Variants in CHD7 observed in about 807,000 individuals in gnomAD.
CHD7 encodes chromodomain helicase DNA binding protein 7.
A neutral mutation model predicts 307.3 loss-of-function variants in CHD7; 24 were observed. The ratio of observed to expected loss-of-function variants is 0.08; its 90% CI spans 0.06 to 0.11. The LOEUF (loss-of-function observed/expected upper bound fraction) is 0.11, where lower values mean the gene tolerates loss of function less well. CHD7 is among the 10% of genes least tolerant of loss of function. CHD7 has a pLI of 1.00. For missense variants in CHD7, 3,106 were observed against 3,727.1 expected, an observed-to-expected ratio of 0.83 and a Z score of 4.34; for synonymous variants, 1,363 against 1,349.9, an observed-to-expected ratio of 1.01 and a Z score of -0.21.
chr8:60,828,719 C>T lies in CHD7; in HGVS notation c.3435C>T (p.Phe1145=). Residue 1145 remains phenylalanine, a synonymous_variant, in exon 14 of 38, where the codon TTC becomes TTT. Coordinates refer to ENST00000423902, the MANE Select transcript of CHD7 (RefSeq NM_017780.4). ...TPLQNTVEEL[F]SLLHFLEPSR... ...TCCAGAACACTGTGGAAGAACTCTT[C>T]AGCTTGCTTCATTTCTTGGAACCAA... 1 of 1,613,274 alleles carries T rather than the reference C, an allele frequency of 6.2e-7. No individual in the cohort carries two copies. The highest frequency in any genetic ancestry group is 8.5e-7 in the Non-Finnish European group (1 of 1,179,534).
chr8:60,834,683 G>A (rs1468608588), intron 15 of CHD7, among the ~76,000 whole-genome samples: 1 of 152,150 alleles, frequency 6.6e-6, no homozygotes, highest in Non-Finnish European at 1.5e-5. Context: ...TGTATTTTGT[G>A]GAAGGCCTTA....
At chr8:60,701,434 A>AGT (rs1806755299) in intron 1 of CHD7, among the ~76,000 whole-genome samples, 1 of 152,186 alleles carries the variant, frequency 6.6e-6, no homozygotes, top group Non-Finnish European at 1.5e-5. Flanking sequence ...TTTTCTAGCT[A>AGT]GTTATACTTG....
intron 15 of CHD7, among the ~76,000 whole-genome samples, chr8:60,831,811 T>G (rs1270687586): frequency 1.3e-5 from 2 of 152,110 alleles, no homozygotes; most frequent in Non-Finnish European, 1.5e-5. Flanking sequence ...TGGTCTGTCT[T>G]TATCACAGTT....
intron 1 of CHD7, among the ~76,000 whole-genome samples, chr8:60,692,644 T>C (rs1806256033): frequency 6.6e-6 from 1 of 152,152 alleles, no homozygotes; most frequent in Admixed American, 6.5e-5. Flanking sequence ...ATAAGGCAGC[T>C]TTTTTCCTGG....
intron 1 of CHD7, among the ~76,000 whole-genome samples, chr8:60,738,660 G>A (rs1210344476): frequency 6.6e-6 from 1 of 152,140 alleles, no homozygotes; most frequent in East Asian, 1.9e-4. Context: ...CTACCAGATG[G>A]ATTCCTGGCA....
chr8:60,724,627 A>G (rs1320102874), intron 1 of CHD7, among the ~76,000 whole-genome samples: 3 of 152,160 alleles, frequency 2.0e-5, no homozygotes, highest in Non-Finnish European at 2.9e-5. Flanking sequence ...GGCTTTTTAC[A>G]ACTGGTTTCC....
intron 14 of CHD7, among the ~76,000 whole-genome samples, chr8:60,829,015 G>A (rs559599714): frequency 6.6e-6 from 1 of 152,276 alleles, no homozygotes; most frequent in Admixed American, 6.5e-5. Context: ...CTTGTGAAGG[G>A]CTGTTGAGAT....
intron 1 of CHD7, among the ~76,000 whole-genome samples, chr8:60,732,387 A>G (rs1334337400): frequency 6.6e-6 from 1 of 152,212 alleles, no homozygotes; most frequent in Non-Finnish European, 1.5e-5. Flanking sequence ...GCCCCTCTGC[A>G]TGCTTGCCCT....
intron 4 of CHD7, among the ~76,000 whole-genome samples, chr8:60,796,936 A>G (rs1812062628): frequency 1.3e-5 from 2 of 152,228 alleles, no homozygotes; most frequent in African/African-American, 4.8e-5. Flanking sequence ...ATTGTGTCAC[A>G]AGGTACTGCA....
intron 1 of CHD7, among the ~76,000 whole-genome samples, chr8:60,730,117 T>TGG (rs1808365222): frequency 6.6e-6 from 1 of 152,202 alleles, no homozygotes; most frequent in Admixed American, 6.5e-5. Context: ...TGCTTTGTAT[T>TGG]GTAGTTTTAA....
chr8:60,806,213 A>T (rs1420317492), intron 6 of CHD7, among the ~76,000 whole-genome samples: 2 of 152,124 alleles, frequency 1.3e-5, no homozygotes, highest in Non-Finnish European at 2.9e-5. Context: ...ATACAAAAAA[A>T]ATTAGCCGGG....
rs562955035 is a variant in CHD7 at position 60,782,913 on chromosome 8, A to G, written c.2096+1483A>G. ...TATGCTTTTGGTAGGAGAAAGCATA[A>G]GCTTATTTCTCCCAAGGAGAAAGAA... On this transcript the variant is annotated intron_variant, in intron 3 of 37. Coordinates refer to ENST00000423902, the MANE Select transcript of CHD7 (RefSeq NM_017780.4). Among the ~76,000 whole-genome samples the G allele has an allele frequency of 4.6e-5, 7 of 152,300 alleles. No individual in the cohort carries two copies. In the East Asian group the frequency reaches 1.2e-3, roughly 25 times the overall value.
rs567111812 is a variant in CHD7 at position 60,733,087 on chromosome 8, T to C, written c.-174-8172T>C. ...TTGTTTCCCAGGAAAAAAAAAAAAT[T>C]AGCTGGGTGTGGTGGTACACAACTA... is the stretch of plus-strand genomic sequence containing the variant. On this transcript the variant is annotated intron_variant, in intron 1 of 37. Coordinates refer to ENST00000423902, the MANE Select transcript of CHD7 (RefSeq NM_017780.4). Among the ~76,000 whole-genome samples the C allele has an allele frequency of 1.6e-4, 24 of 151,634 alleles. No homozygotes were observed. The East Asian group carries it at 4.5e-3, about 28-fold the overall frequency.
In CHD7 at chr8:60,814,500, C is replaced by A. The variant is rs573165636; in HGVS notation, c.2499-1887C>A. On this transcript the variant is annotated intron_variant, in intron 7 of 37. Coordinates refer to ENST00000423902, the MANE Select transcript of CHD7 (RefSeq NM_017780.4). ...TCCCTCTGTCACCCAGGCTTGAATG[C>A]AGTGGCGTGATCTCAGCTCACTGCA... 7.9e-5 allele frequency among the ~76,000 whole-genome samples: 12 copies of A among 152,302 alleles called. No homozygotes were observed. In the South Asian group the frequency reaches 2.5e-3, roughly 32 times the overall value.
intron 2 of CHD7, among the ~76,000 whole-genome samples, chr8:60,778,474 G>A (rs576096086): frequency 1.3e-5 from 2 of 152,298 alleles, no homozygotes; most frequent in Admixed American, 1.3e-4. Flanking sequence ...GCTAAAGTGT[G>A]TAAACTTTAA....
At chr8:60,738,525 AAC>A (rs1330483634) in intron 1 of CHD7, among the ~76,000 whole-genome samples, 2 of 152,216 alleles carry the variant, frequency 1.3e-5, no homozygotes, top group Non-Finnish European at 2.9e-5. Context: ...CTTTTATAGA[AAC>A]ACAAAATTAT....
intron 1 of CHD7, among the ~76,000 whole-genome samples, chr8:60,682,359 TAC>T (rs964353101): frequency 3.3e-5 from 5 of 152,244 alleles, no homozygotes; most frequent in Admixed American, 1.3e-4. Context: ...CCGTTTTTCA[TAC>T]AGATGCGAAG....
At chr8:60,729,712 A>T (rs1213633207) in intron 1 of CHD7, among the ~76,000 whole-genome samples, 1 of 152,094 alleles carries the variant, frequency 6.6e-6, no homozygotes, top group Non-Finnish European at 1.5e-5. Flanking sequence ...AACTTAAATT[A>T]TTTTCATCAT....
rs1024660546 is a variant in CHD7 at position 60,867,309 on chromosome 8, G to A, written c.*1376G>A. Reference sequence around the variant, plus strand: ...TTAATGGGTAGAAAAACACAATGCGGTAGTGTCAGCAAGGGACACAAAGGC... The same window carrying A: ...TTAATGGGTAGAAAAACACAATGCGATAGTGTCAGCAAGGGACACAAAGGC... On this transcript the variant is annotated 3_prime_UTR_variant, in exon 38 of 38. Coordinates refer to ENST00000423902, the MANE Select transcript of CHD7 (RefSeq NM_017780.4). 1 of 152,230 alleles carries A rather than the reference G, an allele frequency of 6.6e-6. No homozygotes were observed. The highest frequency in any genetic ancestry group is 1.5e-5 in the Non-Finnish European group (1 of 68,050). 9.4% of individuals were successfully genotyped at this position (152,230 alleles called of 1,614,324 possible).
Sources: gnomAD v4.1 joint callset for allele counts (sites outside exome capture counted in the v4.1 genomes callset) on GRCh38, gnomAD v4.1.1 for gene constraint, MANE v1.5 for transcripts, NCBI Gene and HGNC (gene_info 2026-07-23, HGNC 2026-07-21) for gene names.